Variants in RNF130 observed in about 807,000 individuals in gnomAD.
RNF130 encodes E3 ubiquitin-protein ligase RNF130.
RNF130 carries 21 observed loss-of-function variants against 44.6 expected under a neutral mutation model. That is an observed-to-expected ratio of 0.47 (90% CI 0.33 to 0.68). RNF130 has a LOEUF of 0.68. RNF130 is among the 30% of genes least tolerant of loss of function. The pLI, the probability that RNF130 is intolerant of heterozygous loss-of-function variation, is 0.02. For synonymous variants in RNF130, 214 were observed against 210.4 expected (o/e 1.02, Z -0.15); for missense variants, 479 against 560.6 (o/e 0.85, Z 1.47).
At chr5:180,066,878 A>T (rs1050187272) in intron 1 of RNF130, among the ~76,000 whole-genome samples, 3 of 152,172 alleles carry the variant, frequency 2.0e-5, no homozygotes, top group Middle Eastern at 3.2e-3. Context: ...TAAAAAAATT[A>T]GCCAGGTATA....
At chr5:179,926,999 G>T (rs1291041287) in intron 7 of RNF130, among the ~76,000 whole-genome samples, 1 of 152,224 alleles carries the variant, frequency 6.6e-6, no homozygotes, top group Non-Finnish European at 1.5e-5. Flanking sequence ...GGTCACGGAA[G>T]TCTTCTGTGT....
At chr5:180,014,121 C>T (rs996392585) in intron 2 of RNF130, among the ~76,000 whole-genome samples, 1 of 152,196 alleles carries the variant, frequency 6.6e-6, no homozygotes, top group African/African-American at 2.4e-5. Flanking sequence ...AGAGGTCTGC[C>T]CACAAGCACA....
chr5:180,041,255 C>A (rs1192590723), intron 1 of RNF130, among the ~76,000 whole-genome samples: 1 of 152,120 alleles, frequency 6.6e-6, no homozygotes, highest in African/African-American at 2.4e-5. Flanking sequence ...AAAATAACAT[C>A]TAAGTAGAAT....
At chr5:179,920,781 A>T (rs990763343) in intron 7 of RNF130, among the ~76,000 whole-genome samples, 10 of 134,156 alleles carry the variant, frequency 7.5e-5, no homozygotes, top group African/African-American at 3.0e-4. Context: ...ATATATATTT[A>T]TATATATATA....
chr5:180,007,320 A>G (rs751811680), intron 3 of RNF130, among the ~76,000 whole-genome samples: 1 of 152,136 alleles, frequency 6.6e-6, no homozygotes, highest in Non-Finnish European at 1.5e-5. Flanking sequence ...AGAATTGCTT[A>G]AGCCGAGGAG....
At chr5:180,016,636 ACT>A (rs1395941701) in intron 2 of RNF130, among the ~76,000 whole-genome samples, 1 of 152,068 alleles carries the variant, frequency 6.6e-6, no homozygotes, top group Non-Finnish European at 1.5e-5. Context: ...AACTTCCCCC[ACT>A]GTTATTCTTT....
At chr5:179,998,882 T>TATATAC (rs1230585993) in intron 3 of RNF130, among the ~76,000 whole-genome samples, 1 of 128,978 alleles carries the variant, frequency 7.8e-6, no homozygotes, top group African/African-American at 2.8e-5. Context: ...TATATATATA[T>TATATAC]ATGTTTTATA....
intron 3 of RNF130, among the ~76,000 whole-genome samples, chr5:179,989,700 G>A (rs746305318): frequency 1.3e-5 from 2 of 152,048 alleles, no homozygotes; most frequent in South Asian, 2.1e-4. Flanking sequence ...TCTTTTAAGC[G>A]GAGCATTTGA....
At chr5:180,043,070 C>A (rs920538164) in intron 1 of RNF130, among the ~76,000 whole-genome samples, 4 of 152,230 alleles carry the variant, frequency 2.6e-5, no homozygotes, top group Non-Finnish European at 5.9e-5. Context: ...GTAATCCCAA[C>A]ACTTTGGGAG....
At chr5:179,930,841 C>A (rs1582125888) in intron 7 of RNF130, among the ~76,000 whole-genome samples, 2 of 151,456 alleles carry the variant, frequency 1.3e-5, no homozygotes, top group Admixed American at 1.3e-4. Flanking sequence ...GAGTTCAAGA[C>A]CAGCCCAGTA....
chr5:180,045,523 T>C (rs545262686), intron 1 of RNF130, among the ~76,000 whole-genome samples: 9 of 152,196 alleles, frequency 5.9e-5, no homozygotes, highest in Non-Finnish European at 8.8e-5. Context: ...AGCGCGGAAG[T>C]GGACCTCTGC....
intron 1 of RNF130, among the ~76,000 whole-genome samples, chr5:180,061,529 G>C (rs1476194365): frequency 2.6e-5 from 4 of 152,176 alleles, no homozygotes; most frequent in Non-Finnish European, 5.9e-5. Context: ...AGGCTCAAGG[G>C]AAAAACCACC....
intron 1 of RNF130, among the ~76,000 whole-genome samples, chr5:180,046,467 C>T (rs1040040519): frequency 3.3e-5 from 5 of 152,336 alleles, no homozygotes; most frequent in East Asian, 3.9e-4. Flanking sequence ...AATGTAAACA[C>T]GCCACATAAG....
intron 1 of RNF130, among the ~76,000 whole-genome samples, chr5:180,046,047 G>C (rs1404762810): frequency 6.6e-6 from 1 of 152,100 alleles, no homozygotes; most frequent in Non-Finnish European, 1.5e-5. Context: ...GACGGAGGGG[G>C]GTGGGGCTCG....
At chr5:179,991,223 T>C (rs745337516) in intron 3 of RNF130, among the ~76,000 whole-genome samples, 1 of 152,250 alleles carries the variant, frequency 6.6e-6, no homozygotes, top group African/African-American at 2.4e-5. Context: ...TTTTCTCTTG[T>C]TGATTTTAGA....
downstream of RNF130, among the ~76,000 whole-genome samples, chr5:179,953,304 G>C (rs1000445039): frequency 6.7e-6 from 1 of 149,606 alleles, no homozygotes; most frequent in South Asian, 2.1e-4. Flanking sequence ...TAAAATCCTA[G>C]CTTTTTTTTT....
exon 8 of RNF130, chr5:179,918,664 A>C (rs1761586150): frequency 6.6e-6 from 1 of 152,240 alleles, no homozygotes; most frequent in Non-Finnish European, 1.5e-5. Flanking sequence ...TACGAAGACT[A>C]TCATAAAGAA....
chr5:180,017,227 C>T (rs928122397), intron 2 of RNF130, among the ~76,000 whole-genome samples: 1 of 152,142 alleles, frequency 6.6e-6, no homozygotes, highest in African/African-American at 2.4e-5. Context: ...ATTAGATCTC[C>T]AAATTAAATA....
At position 179,917,190 on chromosome 5, in the gene RNF130, C is replaced by CAA. The variant is rs34951897; in HGVS notation, c.*3125_*3126dup. The CAA allele has an allele frequency of 8.5e-3, 1,202 of 141,172 alleles. 12 individuals are homozygous for CAA. The highest frequency in any genetic ancestry group is 0.022 in the Middle Eastern group (6 of 268). The allele number at this position is 141,172 out of a possible 1,614,324, so 8.7% of individuals were successfully genotyped here. A position where few individuals can be genotyped will look rare whatever the true frequency, so the allele number is the denominator to read the frequency against. ...TGGGTGACAGAGCAAGACTCCGTCT[C>CAA]AAAAAAAAAAAAAATCACCAAAGCG... On this transcript the variant is annotated 3_prime_UTR_variant, in exon 8 of 8. Coordinates refer to the RNF130 transcript ENST00000522208.
Sources: gnomAD v4.1 joint callset for allele counts (sites outside exome capture counted in the v4.1 genomes callset) on GRCh38, gnomAD v4.1.1 for gene constraint, MANE v1.5 for transcripts, NCBI Gene and HGNC (gene_info 2026-07-23, HGNC 2026-07-21) for gene names.